The following KCNIP4 variants were observed in gnomAD, a reference collection of about 807,000 sequenced individuals.
The protein encoded by KCNIP4 is potassium voltage-gated channel interacting protein 4.
A neutral mutation model predicts 34.0 loss-of-function variants in KCNIP4; 12 were observed. That is an observed-to-expected ratio of 0.35 (90% confidence interval 0.23 to 0.57). The LOEUF (loss-of-function observed/expected upper bound fraction) is 0.57, where lower values mean the gene tolerates loss of function less well. Ranked by LOEUF, KCNIP4 falls within the 20% of genes least tolerant of loss-of-function variation. The pLI, the probability that KCNIP4 is intolerant of heterozygous loss-of-function variation, is 0.83. For missense variants in KCNIP4, 238 were observed against 311.7 expected (o/e 0.76, Z 1.78); for synonymous variants, 124 against 102.2 (o/e 1.21, Z -1.29).
chr4:21,067,489 C>T (rs1744503315), intron 1 of KCNIP4, among the ~76,000 whole-genome samples: 1 of 152,138 alleles, frequency 6.6e-6, no homozygotes, highest in Non-Finnish European at 1.5e-5. Flanking sequence ...TCCCAGATGG[C>T]ATCTCTGGGT....
intron 1 of KCNIP4, among the ~76,000 whole-genome samples, chr4:20,895,563 T>C (rs1271055839): frequency 6.6e-6 from 1 of 152,236 alleles, no homozygotes; most frequent in Non-Finnish European, 1.5e-5. Flanking sequence ...GTACTTTCCT[T>C]TCCTGAGTTC....
At chr4:21,123,757 G>C (rs36105198) in intron 1 of KCNIP4, among the ~76,000 whole-genome samples, 23,831 of 152,080 alleles carry the variant, frequency 0.16, 2,369 homozygotes, top group Non-Finnish European at 0.22. Context: ...CTCGCAATGG[G>C]ATTATTGTCC....
intron 1 of KCNIP4, among the ~76,000 whole-genome samples, chr4:21,922,811 A>G (rs1729006747): frequency 6.6e-6 from 1 of 152,222 alleles, no homozygotes; most frequent in South Asian, 2.1e-4. Flanking sequence ...GTTGAGCTCT[A>G]TAAGCTACAA....
intron 1 of KCNIP4, among the ~76,000 whole-genome samples, chr4:21,699,508 A>C (rs1712652474): frequency 6.6e-6 from 1 of 152,210 alleles, no homozygotes; most frequent in Non-Finnish European, 1.5e-5. Context: ...TTGAGAGGTC[A>C]GGAAAGAGGT....
At chr4:21,938,462 T>C (rs1729999111) in intron 1 of KCNIP4, among the ~76,000 whole-genome samples, 1 of 152,076 alleles carries the variant, frequency 6.6e-6, no homozygotes, top group Non-Finnish European at 1.5e-5. Flanking sequence ...TATGAAGGAG[T>C]AGTAATATTA....
chr4:20,974,448 TG>T (rs1735285849), intron 1 of KCNIP4, among the ~76,000 whole-genome samples: 1 of 152,052 alleles, frequency 6.6e-6, no homozygotes, highest in South Asian at 2.1e-4. Context: ...GGAGGAAGGG[TG>T]GCACTTGTAT....
chr4:20,927,397 G>T (rs943339896), intron 1 of KCNIP4, among the ~76,000 whole-genome samples: 1 of 152,056 alleles, frequency 6.6e-6, no homozygotes, highest in Non-Finnish European at 1.5e-5. Context: ...GAAGTGTGTG[G>T]GAATAAAATG....
chr4:21,490,213 T>C (rs1732275659), intron 1 of KCNIP4, among the ~76,000 whole-genome samples: 1 of 152,190 alleles, frequency 6.6e-6, no homozygotes, highest in Non-Finnish European at 1.5e-5. Context: ...GAAAGTCGTT[T>C]AGTTCCTTGG....
chr4:20,729,416 T>C lies in KCNIP4; in HGVS notation c.*666A>G, dbSNP rs1243087663. ...CTTGGCTGTAACATATTATGGAAAA[T>C]TAAATGCTTATTAAAATAAGTTTTA... On this transcript the variant is annotated 3_prime_UTR_variant, in exon 9 of 9. Transcript: ENST00000382152. The C allele has an allele frequency of 6.6e-6, 1 of 152,156 alleles. No individual in the cohort carries two copies. Among genetic ancestry groups the C allele is most frequent in the African/African-American group, 2.4e-5 (1 of 41,348 alleles). The allele number at this position is 152,156 out of a possible 1,614,324, so 9.4% of individuals were successfully genotyped here.
chr4:21,123,906 A>C (rs1475094621), intron 1 of KCNIP4, among the ~76,000 whole-genome samples: 1 of 152,178 alleles, frequency 6.6e-6, no homozygotes, highest in Non-Finnish European at 1.5e-5. Flanking sequence ...CCACGCTGGC[A>C]CCCTGTGCTC....
At chr4:21,484,224 C>T (rs1308210281) in intron 1 of KCNIP4, among the ~76,000 whole-genome samples, 1 of 151,928 alleles carries the variant, frequency 6.6e-6, no homozygotes, top group Non-Finnish European at 1.5e-5. Context: ...GTCAGGAGTT[C>T]AAGACCAGCT....
At chr4:21,421,022 A>T (rs999405007) in intron 1 of KCNIP4, among the ~76,000 whole-genome samples, 2 of 152,226 alleles carry the variant, frequency 1.3e-5, no homozygotes, top group Non-Finnish European at 2.9e-5. Flanking sequence ...CAAATGGCCA[A>T]CGGGCATATG....
In KCNIP4 at chr4:21,571,958, T is replaced by G. The variant is rs572177438; in HGVS notation, c.61+376613A>C. 1.5e-4 allele frequency among the ~76,000 whole-genome samples: 23 copies of G among 152,278 alleles called. No individual in the cohort carries two copies. The South Asian group carries it at 4.1e-3, about 27-fold the overall frequency. On this transcript the variant is annotated intron_variant, in intron 1 of 8. Transcript: ENST00000382152. ...ACACTATTTCATTGAAGAAACAGAT[T>G]CTTAGAGATGTAAAGTAACTTTCCA...
intron 1 of KCNIP4, among the ~76,000 whole-genome samples, chr4:21,946,199 T>G (rs1730503342): frequency 6.6e-6 from 1 of 151,896 alleles, no homozygotes; most frequent in Non-Finnish European, 1.5e-5. Context: ...TATCTCTAAG[T>G]CAGGTCATAA....
chr4:20,816,476 C>T (rs1023760792), intron 3 of KCNIP4, among the ~76,000 whole-genome samples: 2 of 152,164 alleles, frequency 1.3e-5, no homozygotes, highest in African/African-American at 4.8e-5. Flanking sequence ...CAAAAGACCT[C>T]TCCAGCCATC....
intron 1 of KCNIP4, among the ~76,000 whole-genome samples, chr4:21,462,497 C>T (rs1217883485): frequency 6.6e-6 from 1 of 152,102 alleles, no homozygotes; most frequent in East Asian, 1.9e-4. Context: ...CACCTGGTCC[C>T]TCCCACAACA....
intron 1 of KCNIP4, among the ~76,000 whole-genome samples, chr4:21,135,018 T>G (rs1333397621): frequency 6.6e-6 from 1 of 152,156 alleles, no homozygotes; most frequent in Non-Finnish European, 1.5e-5. Context: ...AACATGACAA[T>G]CTAGCTACAA....
intron 1 of KCNIP4, among the ~76,000 whole-genome samples, chr4:21,736,306 C>T (rs1326272825): frequency 6.6e-6 from 1 of 152,132 alleles, no homozygotes; most frequent in Non-Finnish European, 1.5e-5. Flanking sequence ...ACTATACTAG[C>T]CACCTCCCTT....
chr4:21,303,708 A>G, intron 1 of KCNIP4: 2 of 886,616 alleles, frequency 2.3e-6, no homozygotes, highest in Non-Finnish European at 3.5e-6. Flanking sequence ...CCAGAGTAAC[A>G]TTTCTCTGAT....
Sources: gnomAD v4.1 joint callset for allele counts (sites outside exome capture counted in the v4.1 genomes callset) on GRCh38, gnomAD v4.1.1 for gene constraint, MANE v1.5 for transcripts, NCBI Gene and HGNC (gene_info 2026-07-23, HGNC 2026-07-21) for gene names.